Variants in ZMIZ1 observed in about 807,000 individuals in gnomAD.
The protein encoded by ZMIZ1 is zinc finger MIZ-type containing 1, also known as zinc finger MIZ domain-containing protein 1.
ZMIZ1 carries 17 observed loss-of-function variants against 113.9 expected under a neutral mutation model. The ratio of observed to expected loss-of-function variants is 0.15; its 90% CI spans 0.10 to 0.22. ZMIZ1 has a LOEUF of 0.22. Ranked by LOEUF, ZMIZ1 falls within the 10% of genes least tolerant of loss-of-function variation. ZMIZ1 has a pLI of 1.00. For missense variants in ZMIZ1, 1,059 were observed against 1,477.8 expected (o/e 0.72, Z 4.65); for synonymous variants, 607 against 603.1 (o/e 1.01, Z -0.09).
rs1310960935 is a variant in ZMIZ1, at chr10:79,313,106, C to T, written c.*357C>T. On this transcript the variant is annotated 3_prime_UTR_variant, in exon 25 of 25. Transcript: ENST00000334512. ...GCGTGTGCCGATTCCAGATGACCTT[C>T]CAGTGTCCCCAAGGTTCTTCCATCT... 4.7e-5 allele frequency: 12 copies of T among 256,322 alleles called. No homozygotes were observed. The highest frequency in any genetic ancestry group is 9.1e-5 in the Non-Finnish European group (12 of 131,290). The allele number at this position is 256,322 out of a possible 1,614,324, so 15.9% of individuals were successfully genotyped here. A position where few individuals can be genotyped will look rare whatever the true frequency, so the allele number is the denominator to read the frequency against.
At chr10:79,240,496 A>G (rs1489527996) in intron 7 of ZMIZ1, among the ~76,000 whole-genome samples, 1 of 152,198 alleles carries the variant, frequency 6.6e-6, no homozygotes, top group Non-Finnish European at 1.5e-5. Context: ...AGAGTTTGCT[A>G]ACCAAGTGGG....
intron 4 of ZMIZ1, among the ~76,000 whole-genome samples, chr10:79,179,485 G>A (rs936237888): frequency 1.3e-5 from 2 of 152,242 alleles, no homozygotes; most frequent in East Asian, 1.9e-4. Context: ...GGGGCACCAC[G>A]CCTCTTCCAG....
intron 7 of ZMIZ1, among the ~76,000 whole-genome samples, chr10:79,243,906 A>C (rs1203737729): frequency 2.0e-5 from 3 of 152,136 alleles, no homozygotes; most frequent in Non-Finnish European, 4.4e-5. Context: ...TGGCCGCGAG[A>C]GTGGCACCGG....
intron 3 of ZMIZ1, among the ~76,000 whole-genome samples, chr10:79,157,016 A>T (rs948284494): frequency 1.4e-5 from 2 of 147,712 alleles, no homozygotes; most frequent in Non-Finnish European, 3.0e-5. Flanking sequence ...CAGGGAGGGT[A>T]CCTTGGAGGT....
Position 79,082,270 on chromosome 10 carries a change from G to A in ZMIZ1, c.-337+13000G>A, listed in dbSNP as rs568265411. Among the ~76,000 whole-genome samples, 9 of 152,352 alleles carry A rather than the reference G, an allele frequency of 5.9e-5. No individual in the cohort carries two copies. In the East Asian group the frequency reaches 1.7e-3, roughly 29 times the overall value. Reference sequence around the variant, plus strand: ...AGCTGGCTCCTCCAGCCTGGGGGCCGCTGCCCTATAGCAGGACACTTTCTC... The same window carrying A: ...AGCTGGCTCCTCCAGCCTGGGGGCCACTGCCCTATAGCAGGACACTTTCTC... On this transcript the variant is annotated intron_variant, in intron 1 of 24. Coordinates refer to ENST00000334512, the MANE Select transcript of ZMIZ1 (RefSeq NM_020338.4).
At chr10:79,146,764 C>A (rs1009585924) in intron 3 of ZMIZ1, among the ~76,000 whole-genome samples, 1 of 152,208 alleles carries the variant, frequency 6.6e-6, no homozygotes, top group Admixed American at 6.5e-5. Flanking sequence ...GCTTCCGCCC[C>A]GACTCTGCTG....
At chr10:79,238,470 A>G (rs1402393746) in intron 7 of ZMIZ1, among the ~76,000 whole-genome samples, 1 of 152,242 alleles carries the variant, frequency 6.6e-6, no homozygotes, top group African/African-American at 2.4e-5. Flanking sequence ...GTGGAGCCCC[A>G]GCAAACTCAA....
At chr10:79,091,256 C>T (rs779702476) in intron 1 of ZMIZ1, among the ~76,000 whole-genome samples, 9 of 152,010 alleles carry the variant, frequency 5.9e-5, no homozygotes, top group Non-Finnish European at 1.2e-4. Context: ...TTTGTGAGTA[C>T]ATAAGTAGGT....
At chr10:79,219,686 C>T (rs1564532473) in intron 7 of ZMIZ1, among the ~76,000 whole-genome samples, 1 of 152,190 alleles carries the variant, frequency 6.6e-6, no homozygotes, top group African/African-American at 2.4e-5. Flanking sequence ...TTAGAAAGCC[C>T]TTTCCCATGC....
intron 2 of ZMIZ1, among the ~76,000 whole-genome samples, chr10:79,125,095 C>T (rs1042177526): frequency 6.6e-6 from 1 of 152,242 alleles, no homozygotes. Flanking sequence ...ACCACGGCCT[C>T]TTCAGCAACC....
chr10:79,159,805 G>T (rs1340072966), intron 3 of ZMIZ1, among the ~76,000 whole-genome samples: 4 of 152,166 alleles, frequency 2.6e-5, no homozygotes, highest in Non-Finnish European at 5.9e-5. Context: ...TTATGGCTGG[G>T]TGACCCTAGC....
Position 79,298,501 on chromosome 10 carries a change from C to T in ZMIZ1, c.1587C>T (p.Tyr529=), listed in dbSNP as rs762010258. ...CCCCTGGGAGCAGCATCCCTCCATA[C>T]CTGTCCCCCAGCCAAGACGTCAAAC... ...PMTPGSSIPP[Y]LSPSQDVKPP... is the part of the protein sequence containing the mutation. Residue 529 remains tyrosine (Y), a synonymous_variant, in exon 15 of 25, where the codon TAC becomes TAT. Transcript: ENST00000334512. 1 of 1,605,834 alleles carries T rather than the reference C, an allele frequency of 6.2e-7. No individual in the cohort carries two copies. Among genetic ancestry groups the T allele is most frequent in the South Asian group, 1.1e-5 (1 of 90,562 alleles).
At chr10:79,127,455 C>T (rs7903793) in intron 2 of ZMIZ1, among the ~76,000 whole-genome samples, 29,480 of 152,108 alleles carry the variant, frequency 0.19, 3,344 homozygotes, top group East Asian at 0.41. Context: ...GCTCGGGAAG[C>T]CCATTCTTTT....
chr10:79,160,683 G>A (rs1846078773), intron 3 of ZMIZ1, among the ~76,000 whole-genome samples: 1 of 152,224 alleles, frequency 6.6e-6, no homozygotes, highest in Non-Finnish European at 1.5e-5. Context: ...CGAGGCCCTG[G>A]GCACCATTTC....
chr10:79,090,171 A>G (rs535377032), intron 1 of ZMIZ1, among the ~76,000 whole-genome samples: 5 of 152,108 alleles, frequency 3.3e-5, no homozygotes, highest in Non-Finnish European at 5.9e-5. Flanking sequence ...TAGCTGCCCC[A>G]TTTTACAGGT....
chr10:79,087,091 C>G (rs1842839920), intron 1 of ZMIZ1, among the ~76,000 whole-genome samples: 1 of 152,236 alleles, frequency 6.6e-6, no homozygotes, highest in Non-Finnish European at 1.5e-5. Flanking sequence ...CTGCCTTAAC[C>G]CCAGGCCTCT....
intron 7 of ZMIZ1, chr10:79,243,677 G>A: frequency 6.6e-6 from 2 of 304,088 alleles, no homozygotes; most frequent in Admixed American, 4.9e-5. Context: ...CGCGGCCGCC[G>A]CCGGCCGGGC....
intron 1 of ZMIZ1, among the ~76,000 whole-genome samples, chr10:79,115,121 AC>A (rs1175912347): frequency 6.6e-5 from 10 of 152,052 alleles, no homozygotes; most frequent in Non-Finnish European, 1.5e-5. Context: ...TGCTTACAGC[AC>A]CCACAGCACC....
chr10:79,188,706 C>T (rs1358016313), intron 4 of ZMIZ1, among the ~76,000 whole-genome samples: 1 of 151,476 alleles, frequency 6.6e-6, no homozygotes, highest in Admixed American at 6.6e-5. Context: ...TCCAGCCTCT[C>T]CACCCTTGGG....
Sources: allele counts gnomAD v4.1 joint callset (sites outside exome capture counted in the v4.1 genomes callset), GRCh38; gene constraint gnomAD v4.1.1; transcripts MANE v1.5; gene names NCBI Gene and HGNC (gene_info 2026-07-23, HGNC 2026-07-21).